CACNA1E: variants seen among roughly 807,000 people sequenced by gnomAD.
CACNA1E encodes voltage-dependent R-type calcium channel subunit alpha-1E.
Under a neutral mutation model 259.2 loss-of-function variants are expected in CACNA1E, and 40 were observed. That is an observed-to-expected ratio of 0.15 (90% CI 0.12 to 0.20). The LOEUF is 0.20. CACNA1E is among the 10% of genes least tolerant of loss of function. The pLI, the probability that CACNA1E is intolerant of heterozygous loss-of-function variation, is 1.00. For synonymous variants in CACNA1E, 1,104 were observed against 1,138.5 expected, an observed-to-expected ratio of 0.97 and a Z score of 0.61; for missense variants, 1,874 against 3,040.1, an observed-to-expected ratio of 0.62 and a Z score of 9.02.
At chr1:181,787,717 GCTCA>G (rs1022588919) in intron 43 of CACNA1E, among the ~76,000 whole-genome samples, 2 of 152,194 alleles carry the variant, frequency 1.3e-5, no homozygotes, top group African/African-American at 4.8e-5. Context: ...CATGGAAACA[GCTCA>G]CTCAGTTTGA....
At chr1:181,742,064 G>A (rs557583975) in intron 25 of CACNA1E, among the ~76,000 whole-genome samples, 5 of 152,006 alleles carry the variant, frequency 3.3e-5, no homozygotes, top group Middle Eastern at 3.4e-3. Flanking sequence ...CCCTTTCTCC[G>A]CTCATGGAGC....
chr1:181,497,859 C>T (rs1244401692), intron 1 of CACNA1E, among the ~76,000 whole-genome samples: 1 of 152,190 alleles, frequency 6.6e-6, no homozygotes, highest in Non-Finnish European at 1.5e-5. Flanking sequence ...AGAAGAGCAA[C>T]TATCTCTTTC....
At chr1:181,447,847 T>G (rs1254406245) in intron 2 of CACNA1E, among the ~76,000 whole-genome samples, 1 of 152,228 alleles carries the variant, frequency 6.6e-6, no homozygotes, top group Non-Finnish European at 1.5e-5. Flanking sequence ...CTAAGGGCTC[T>G]TTCATGCTTC....
At chr1:181,475,157 T>C (rs182611937) in intron 2 of CACNA1E, among the ~76,000 whole-genome samples, 1 of 152,292 alleles carries the variant, frequency 6.6e-6, no homozygotes, top group Non-Finnish European at 1.5e-5. Flanking sequence ...AGGAGATCCA[T>C]GCATTCAGTG....
chr1:181,586,408 C>T (rs1392049466), intron 6 of CACNA1E, among the ~76,000 whole-genome samples: 6 of 151,878 alleles, frequency 4.0e-5, no homozygotes, highest in Non-Finnish European at 7.4e-5. Context: ...GCCAAAACCA[C>T]CAAGGAAGTG....
At chr1:181,540,454 A>T (rs995398323) in intron 3 of CACNA1E, among the ~76,000 whole-genome samples, 9 of 152,214 alleles carry the variant, frequency 5.9e-5, no homozygotes, top group African/African-American at 1.9e-4. Context: ...ACACATATGA[A>T]AGTGAGAGAA....
intron 6 of CACNA1E, among the ~76,000 whole-genome samples, chr1:181,648,574 T>C (rs1658490769): frequency 6.6e-6 from 1 of 152,050 alleles, no homozygotes; most frequent in Non-Finnish European, 1.5e-5. Context: ...CAGAAGAAAA[T>C]ATAATCTGCT....
chr1:181,603,809 T>A (rs1653966345), intron 6 of CACNA1E, among the ~76,000 whole-genome samples: 1 of 152,200 alleles, frequency 6.6e-6, no homozygotes. Context: ...TGTTGCCTCC[T>A]GTTCTCGCCT....
intron 7 of CACNA1E, among the ~76,000 whole-genome samples, chr1:181,699,863 AC>A (rs1331860908): frequency 6.6e-6 from 1 of 152,148 alleles, no homozygotes; most frequent in African/African-American, 2.4e-5. Context: ...GGTGGGAGAG[AC>A]TAGAGGAGGA....
chr1:181,608,777 G>A (rs576496771), intron 6 of CACNA1E, among the ~76,000 whole-genome samples: 2 of 152,182 alleles, frequency 1.3e-5, no homozygotes, highest in South Asian at 4.1e-4. Context: ...GTGCTTTTCT[G>A]TTCTTTTCCT....
At chr1:181,701,650 A>G (rs1652270012) in intron 7 of CACNA1E, among the ~76,000 whole-genome samples, 1 of 152,178 alleles carries the variant, frequency 6.6e-6, no homozygotes, top group African/African-American at 2.4e-5. Flanking sequence ...CACTCTTGAA[A>G]GCCTTTATTT....
chr1:181,580,149 C>G (rs74130054), intron 5 of CACNA1E, among the ~76,000 whole-genome samples: 9 of 152,194 alleles, frequency 5.9e-5, no homozygotes, highest in Non-Finnish European at 1.3e-4. Context: ...CAGGAATCCA[C>G]GCTGGAAAAA....
intron 2 of CACNA1E, among the ~76,000 whole-genome samples, chr1:181,419,804 G>A (rs1028959674): frequency 3.9e-5 from 6 of 152,254 alleles, no homozygotes; most frequent in Admixed American, 3.3e-4. Context: ...ACAGGTTGCT[G>A]ACTGCAGAGT....
At chr1:181,328,874 A>G (rs545288602) in intron 1 of CACNA1E, among the ~76,000 whole-genome samples, 1 of 152,286 alleles carries the variant, frequency 6.6e-6, no homozygotes, top group South Asian at 2.1e-4. Context: ...GAGGTCTGCT[A>G]GGCACATTCT....
intron 34 of CACNA1E, among the ~76,000 whole-genome samples, chr1:181,765,243 A>G (rs1160054439): frequency 1.3e-5 from 2 of 152,130 alleles, no homozygotes; most frequent in African/African-American, 2.4e-5. Flanking sequence ...GTTAGAATGT[A>G]TAAACATGAC....
rs938858195 is a variant in CACNA1E, at chr1:181,771,972, C to A, written c.4974-94C>A. 7 of 1,185,534 alleles carry A rather than the reference C, an allele frequency of 5.9e-6. No individual in the cohort carries two copies. The South Asian group carries it at 6.9e-5, about 12-fold the overall frequency. 73.4% of individuals were successfully genotyped at this position (1,185,534 alleles called of 1,614,324 possible). On this transcript the variant is annotated intron_variant, in intron 36 of 47. Coordinates refer to ENST00000367573, the MANE Select transcript of CACNA1E (RefSeq NM_001205293.3). ...AAAAAGAGAGCCTGTTGGGCCCAGA[C>A]AAGAGCGAGGATGGGGAAATTGGGA... is the stretch of plus-strand genomic sequence containing the variant.
intron 6 of CACNA1E, among the ~76,000 whole-genome samples, chr1:181,605,602 C>T (rs778091537): frequency 4.6e-5 from 7 of 152,108 alleles, no homozygotes; most frequent in African/African-American, 7.2e-5. Flanking sequence ...CTTAGCAGGT[C>T]GGGAGCAAGC....
intron 7 of CACNA1E, among the ~76,000 whole-genome samples, chr1:181,665,918 C>A (rs773182924): frequency 1.3e-5 from 2 of 152,080 alleles, no homozygotes; most frequent in African/African-American, 4.8e-5. Flanking sequence ...TCTTTAACTT[C>A]TTTTCCTCAT....
chr1:181,479,951 T>C (rs1663121363), upstream of CACNA1E, among the ~76,000 whole-genome samples: 1 of 152,206 alleles, frequency 6.6e-6, no homozygotes, highest in African/African-American at 2.4e-5. Context: ...GTGGGGCTTA[T>C]GTAAACTGAA....
Sources: gnomAD v4.1 joint callset for allele counts (sites outside exome capture counted in the v4.1 genomes callset) on GRCh38, gnomAD v4.1.1 for gene constraint, MANE v1.5 for transcripts, NCBI Gene and HGNC (gene_info 2026-07-23, HGNC 2026-07-21) for gene names.